Variants in SLC26A7 observed in about 807,000 individuals in gnomAD.
SLC26A7 encodes the protein anion exchange transporter.
A neutral mutation model predicts 82.5 loss-of-function variants in SLC26A7; 59 were observed. The ratio of observed to expected loss-of-function variants is 0.72; its 90% CI spans 0.58 to 0.89. The LOEUF (loss-of-function observed/expected upper bound fraction) is 0.89, where lower values mean the gene tolerates loss of function less well. SLC26A7 is among the 40% of genes least tolerant of loss of function. The probability of loss-of-function intolerance (pLI) is 0.00; values close to 1 mark genes in which losing one functional copy is unlikely to be tolerated. For missense variants in SLC26A7, 820 were observed against 793.0 expected, an observed-to-expected ratio of 1.03 and a Z score of -0.41; for synonymous variants, 271 against 274.3, an observed-to-expected ratio of 0.99 and a Z score of 0.12.
At chr8:91,381,542 C>T (rs1481824308) in intron 15 of SLC26A7, among the ~76,000 whole-genome samples, 2 of 152,210 alleles carry the variant, frequency 1.3e-5, no homozygotes, top group Non-Finnish European at 2.9e-5. Context: ...TCTTTCTGAA[C>T]TGAAAAATTT....
intron 2 of SLC26A7, among the ~76,000 whole-genome samples, chr8:91,280,722 T>C (rs1811548642): frequency 6.6e-6 from 1 of 152,264 alleles, no homozygotes; most frequent in Admixed American, 6.5e-5. Flanking sequence ...GGTTTATTTT[T>C]CCGTCTTTTC....
At chr8:91,259,017 T>C (rs1334788792) in intron 2 of SLC26A7, among the ~76,000 whole-genome samples, 1 of 152,102 alleles carries the variant, frequency 6.6e-6, no homozygotes, top group Non-Finnish European at 1.5e-5. Context: ...CTCTCTCACT[T>C]TCCTTACTGT....
At chr8:91,348,241 CTCTT>C in intron 9 of SLC26A7, 13 of 731,774 alleles carry the variant, frequency 1.8e-5, no homozygotes, top group Non-Finnish European at 2.2e-5. Context: ...TGTCATCTCT[CTCTT>C]TTTTTCTTTC....
At chr8:91,327,215 T>G (rs749102093) in intron 5 of SLC26A7, among the ~76,000 whole-genome samples, 1 of 152,120 alleles carries the variant, frequency 6.6e-6, no homozygotes, top group Non-Finnish European at 1.5e-5. Flanking sequence ...TTTGTTTGTT[T>G]GTTGGTTTTA....
In SLC26A7 at chr8:91,394,236, T is replaced by C. The variant is rs749174710; in HGVS notation, c.1935+197T>C. ...TTTTTAGGCCAGTTATAAACTGTTG[T>C]TTGATAACTTGGATCTTCCAACAAT... On this transcript the variant is annotated intron_variant, in intron 18 of 18. Coordinates refer to ENST00000276609, the MANE Select transcript of SLC26A7 (RefSeq NM_052832.4). 37 of 1,613,342 alleles carry C rather than the reference T, an allele frequency of 2.3e-5. No individual in the cohort carries two copies. Among genetic ancestry groups the C allele is most frequent in the Non-Finnish European group, 3.0e-5 (35 of 1,179,500 alleles).
At chr8:91,296,282 T>C (rs991555803) in intron 4 of SLC26A7, among the ~76,000 whole-genome samples, 1 of 152,220 alleles carries the variant, frequency 6.6e-6, no homozygotes, top group Non-Finnish European at 1.5e-5. Flanking sequence ...TTGATGTTTC[T>C]AATCAGTCGT....
intron 15 of SLC26A7, among the ~76,000 whole-genome samples, chr8:91,389,039 A>C (rs1814880767): frequency 6.6e-6 from 1 of 152,176 alleles, no homozygotes; most frequent in African/African-American, 2.4e-5. Context: ...TATTCTTTAA[A>C]AATTATTTAA....
intron 3 of SLC26A7, among the ~76,000 whole-genome samples, chr8:91,289,716 T>C (rs918375360): frequency 2.0e-5 from 3 of 151,782 alleles, no homozygotes; most frequent in African/African-American, 7.3e-5. Flanking sequence ...ACTTGGGAGG[T>C]AAGACTACAT....
chr8:91,298,214 A>G (rs1295977869), intron 4 of SLC26A7, among the ~76,000 whole-genome samples: 1 of 151,706 alleles, frequency 6.6e-6, no homozygotes, highest in African/African-American at 2.4e-5. Flanking sequence ...CTTGTAACTG[A>G]TAAGTAAGTT....
At chr8:91,296,670 A>G (rs1398565106) in intron 4 of SLC26A7, among the ~76,000 whole-genome samples, 1 of 152,248 alleles carries the variant, frequency 6.6e-6, no homozygotes, top group Non-Finnish European at 1.5e-5. Context: ...ATAAGAACTC[A>G]TGTCTTCATA....
intron 9 of SLC26A7, 89 bp from the exon 10 acceptor site, chr8:91,351,721 T>C: frequency 1.2e-6 from 1 of 832,644 alleles, no homozygotes; most frequent in South Asian, 1.4e-5. Context: ...CAAGATAAAC[T>C]AAGAATTATC....
intron 4 of SLC26A7, among the ~76,000 whole-genome samples, chr8:91,309,642 A>T (rs1330460701): frequency 6.6e-6 from 1 of 151,940 alleles, no homozygotes; most frequent in African/African-American, 2.4e-5. Flanking sequence ...GCAGAAGGAG[A>T]GACCAAGGCA....
intron 3 of SLC26A7, among the ~76,000 whole-genome samples, chr8:91,293,946 T>C (rs1811945930): frequency 6.6e-6 from 1 of 152,220 alleles, no homozygotes; most frequent in Admixed American, 6.5e-5. Flanking sequence ...GTGTTTCCCA[T>C]CCTGGGTGCT....
Position 91,340,755 on chromosome 8 carries a change from T to C in SLC26A7, c.1026+204T>C, listed in dbSNP as rs186686073. 2.1e-4 allele frequency: 124 copies of C among 592,332 alleles called. 2 individuals carry two copies. The East Asian group carries it at 4.0e-3, about 19-fold the overall frequency. 36.7% of individuals were successfully genotyped at this position (592,332 alleles called of 1,614,324 possible). ...TGATTGTTCACAATGCTTTTTATTT[T>C]GGTTAAAATAGAAGGCATCATGATG... On this transcript the variant is annotated intron_variant, in intron 8 of 18. Coordinates refer to ENST00000276609, the MANE Select transcript of SLC26A7 (RefSeq NM_052832.4).
intron 2 of SLC26A7, among the ~76,000 whole-genome samples, chr8:91,256,069 C>G (rs1810793065): frequency 6.6e-6 from 1 of 152,070 alleles, no homozygotes; most frequent in Non-Finnish European, 1.5e-5. Context: ...GGTGTCCAGG[C>G]TGATCAGGGG....
In SLC26A7 at chr8:91,386,913, A is replaced by G. The variant is rs34865946; in HGVS notation, c.1676-2425A>G. Among the ~76,000 whole-genome samples, 1,240 of 152,324 alleles carry G rather than the reference A, an allele frequency of 8.1e-3. 14 individuals are homozygous for G. Among genetic ancestry groups the G allele is most frequent in the Non-Finnish European group, 0.014 (919 of 68,024 alleles). ...AAGTTTGAAAAAGTCAGTGTAAGAA[A>G]TCTTCAAATATTAAGCTCCAATATA... On this transcript the variant is annotated intron_variant, in intron 15 of 18. Coordinates refer to ENST00000276609, the MANE Select transcript of SLC26A7 (RefSeq NM_052832.4).
intron 2 of SLC26A7, among the ~76,000 whole-genome samples, chr8:91,223,502 C>G (rs1439937370): frequency 6.6e-6 from 1 of 152,168 alleles, no homozygotes; most frequent in African/African-American, 2.4e-5. Context: ...ACTGCTTTAG[C>G]TGTGTCCCAG....
At chr8:91,334,241 T>G (rs531921257) in intron 5 of SLC26A7, 54 bp from the exon 6 acceptor site, 221 of 1,480,366 alleles carry the variant, frequency 1.5e-4, no homozygotes, top group Middle Eastern at 3.8e-4. Flanking sequence ...ATTTTCATGT[T>G]GGTATATTAT....
At chr8:91,343,288 G>T in intron 8 of SLC26A7, 65 bp from the exon 9 acceptor site, 1 of 1,010,736 alleles carries the variant, frequency 9.9e-7, no homozygotes. Flanking sequence ...GTGACAAATT[G>T]TACCTGTGGT....
Sources: gnomAD v4.1 joint callset for allele counts (sites outside exome capture counted in the v4.1 genomes callset) on GRCh38, gnomAD v4.1.1 for gene constraint, MANE v1.5 for transcripts, NCBI Gene and HGNC (gene_info 2026-07-23, HGNC 2026-07-21) for gene names.